Variants in TSPAN9 observed in about 807,000 individuals in gnomAD.
TSPAN9 encodes tetraspanin 9, also known as tetraspanin-9.
In TSPAN9, 16 loss-of-function variants were observed where a neutral mutation model predicts 31.0. The ratio of observed to expected loss-of-function variants is 0.52; its 90% CI spans 0.35 to 0.78. The LOEUF (loss-of-function observed/expected upper bound fraction) is 0.78. Among genes scored for constraint, TSPAN9 ranks in the 30% least tolerant of loss-of-function variants. The pLI is 0.01. For synonymous variants in TSPAN9, 145 were observed against 121.6 expected, an observed-to-expected ratio of 1.19 and a Z score of -1.27; for missense variants, 272 against 312.5, an observed-to-expected ratio of 0.87 and a Z score of 0.98.
At chr12:3,115,290 A>G (rs2098321669) in intron 2 of TSPAN9, among the ~76,000 whole-genome samples, 1 of 152,188 alleles carries the variant, frequency 6.6e-6, no homozygotes, top group African/African-American at 2.4e-5. Context: ...ATATTCCAGC[A>G]TACGGACAGA....
intron 2 of TSPAN9, among the ~76,000 whole-genome samples, chr12:3,150,202 C>T (rs1378394434): frequency 1.3e-5 from 2 of 152,372 alleles, no homozygotes; most frequent in South Asian, 2.1e-4. Flanking sequence ...CGGCCTCCCT[C>T]GGTCTGTTTC....
At chr12:3,132,604 C>A (rs2098330285) in intron 2 of TSPAN9, among the ~76,000 whole-genome samples, 1 of 152,212 alleles carries the variant, frequency 6.6e-6, no homozygotes, top group African/African-American at 2.4e-5. Context: ...GTTCATGCTT[C>A]TCAACATGTG....
chr12:3,184,996 A>G (rs1040222222), intron 2 of TSPAN9, among the ~76,000 whole-genome samples: 3 of 152,080 alleles, frequency 2.0e-5, no homozygotes, highest in African/African-American at 7.2e-5. Context: ...CCTTGGTTCT[A>G]TAGTCTCTAT....
intron 3 of TSPAN9, among the ~76,000 whole-genome samples, chr12:3,248,576 A>G (rs558914562): frequency 6.6e-6 from 1 of 152,022 alleles, no homozygotes; most frequent in African/African-American, 2.4e-5. Context: ...TGTAGTTTAC[A>G]GAGCATTTTT....
intron 7 of TSPAN9, among the ~76,000 whole-genome samples, 199 bp downstream of exon 7, chr12:3,281,528 C>T (rs920417323): frequency 3.3e-5 from 5 of 151,826 alleles, no homozygotes; most frequent in African/African-American, 4.8e-5. Flanking sequence ...AGTCAGAGGG[C>T]GAGGGGTTGA....
chr12:3,138,355 A>G (rs151236168), intron 2 of TSPAN9, among the ~76,000 whole-genome samples: 151 of 152,154 alleles, frequency 9.9e-4, no homozygotes, highest in African/African-American at 3.6e-3. Context: ...CACCTCCCGG[A>G]GTCGGTTAGA....
rs558113807 is a variant in TSPAN9, at chr12:3,213,619, G to A, written c.63+12363G>A. Among the ~76,000 whole-genome samples the A allele has an allele frequency of 6.6e-5, 10 of 152,192 alleles. No individual in the cohort carries two copies. In the East Asian group the frequency reaches 9.7e-4, roughly 15 times the overall value. ...TATGGCAGCTAAAGAGAGCTGCAGC[G>A]AAGCCCCCCTCCCCCTTCCAGCCCC... On this transcript the variant is annotated intron_variant, in intron 3 of 8. Coordinates refer to ENST00000011898, the MANE Select transcript of TSPAN9 (RefSeq NM_006675.5).
chr12:3,236,940 A>G (rs941916095), intron 3 of TSPAN9, among the ~76,000 whole-genome samples: 26 of 152,182 alleles, frequency 1.7e-4, no homozygotes, highest in African/African-American at 6.3e-4. Flanking sequence ...CCCTGCCCTT[A>G]GGGAGCACCT....
At chr12:3,081,436 G>GC (rs1476706488) in intron 1 of TSPAN9, among the ~76,000 whole-genome samples, 1 of 152,052 alleles carries the variant, frequency 6.6e-6, no homozygotes, top group African/African-American at 2.4e-5. Context: ...TTCCTTCTTG[G>GC]CCCCTTAGTT....
chr12:3,215,830 G>T (rs763449197), intron 3 of TSPAN9, among the ~76,000 whole-genome samples: 2 of 151,984 alleles, frequency 1.3e-5, no homozygotes, highest in Admixed American at 6.5e-5. Flanking sequence ...TCCAGAGCAC[G>T]TTCCACCGGG....
At chr12:3,142,577 T>C (rs2098335361) in intron 2 of TSPAN9, among the ~76,000 whole-genome samples, 1 of 152,108 alleles carries the variant, frequency 6.6e-6, no homozygotes, top group African/African-American at 2.4e-5. Context: ...GAAAATCCGA[T>C]CCGAGGCTCA....
At chr12:3,153,406 AT>A (rs1204883055) in intron 2 of TSPAN9, among the ~76,000 whole-genome samples, 5 of 151,574 alleles carry the variant, frequency 3.3e-5, no homozygotes, top group African/African-American at 4.8e-5. Context: ...TGCAAACATA[AT>A]TTTTTTTTAC....
rs1240743171 is a variant in TSPAN9 at position 3,107,427 on chromosome 12, C to T, written c.-18+23708C>T. On this transcript the variant is annotated intron_variant, in intron 2 of 8. Coordinates refer to ENST00000011898, the MANE Select transcript of TSPAN9 (RefSeq NM_006675.5). This position sits in a 1 kb window ranked among gnomAD's most constrained non-coding sequence, Gnocchi z 4.1. ...GCCTGATGGGTTGACTCAGGGCCTTCGTTCCCAGTCTTTGGGCCTGGGATC... is the reference window on the plus strand; with the variant it reads ...GCCTGATGGGTTGACTCAGGGCCTTTGTTCCCAGTCTTTGGGCCTGGGATC... Among the ~76,000 whole-genome samples, 8 of 152,204 alleles carry T rather than the reference C, an allele frequency of 5.3e-5. No individual in the cohort carries two copies. The highest frequency in any genetic ancestry group is 1.0e-4 in the Non-Finnish European group (7 of 68,040).
chr12:3,099,131 C>T (rs2098310599), intron 2 of TSPAN9, among the ~76,000 whole-genome samples: 2 of 151,454 alleles, frequency 1.3e-5, no homozygotes, highest in African/African-American at 4.8e-5. Context: ...TCCATCTCCA[C>T]TTCCCTCTCC....
chr12:3,240,573 A>G (rs1175301675), intron 3 of TSPAN9, among the ~76,000 whole-genome samples: 1 of 152,032 alleles, frequency 6.6e-6, no homozygotes, highest in Non-Finnish European at 1.5e-5. Flanking sequence ...GGGTCTCAGG[A>G]CTCCAAAGTC....
chr12:3,185,553 C>T (rs2098360794), intron 2 of TSPAN9, among the ~76,000 whole-genome samples: 1 of 152,180 alleles, frequency 6.6e-6, no homozygotes, highest in South Asian at 2.1e-4. Flanking sequence ...GACCAGTCTC[C>T]CCCTTCGGAG....
chr12:3,211,766 T>G, intron 3 of TSPAN9: 1 of 1,597,740 alleles, frequency 6.3e-7, no homozygotes, highest in Non-Finnish European at 8.5e-7. Context: ...AACTACTGTT[T>G]GTGCATGGCT....
intron 8 of TSPAN9, chr12:3,282,132 A>G: frequency 1.6e-6 from 1 of 621,398 alleles, no homozygotes; most frequent in Non-Finnish European, 2.9e-6. Context: ...CATGCAAGAC[A>G]CACACGGTGT....
intron 3 of TSPAN9, among the ~76,000 whole-genome samples, chr12:3,235,557 T>C (rs912005291): frequency 6.6e-6 from 1 of 152,146 alleles, no homozygotes; most frequent in African/African-American, 2.4e-5. Context: ...CCTTGTCTAA[T>C]GTCACCAGGG....
Sources: gnomAD v4.1 joint callset for allele counts (sites outside exome capture counted in the v4.1 genomes callset) on GRCh38, gnomAD v4.1.1 for gene constraint, Gnocchi (gnomAD v3.1) non-coding constraint, MANE v1.5 for transcripts, NCBI Gene and HGNC (gene_info 2026-07-23, HGNC 2026-07-21) for gene names.